SYT14: variants seen among roughly 807,000 people sequenced by gnomAD.
SYT14 encodes the protein synaptotagmin 14.
A neutral mutation model predicts 74.2 loss-of-function variants in SYT14; 32 were observed. The ratio of observed to expected loss-of-function variants is 0.43; its 90% CI spans 0.33 to 0.58. The LOEUF (loss-of-function observed/expected upper bound fraction) is 0.58. Ranked by LOEUF, SYT14 falls within the 20% of genes least tolerant of loss-of-function variation. The pLI is 0.05. For missense variants in SYT14, 791 were observed against 981.8 expected, an observed-to-expected ratio of 0.81 and a Z score of 2.60; for synonymous variants, 298 against 337.7, an observed-to-expected ratio of 0.88 and a Z score of 1.29.
intron 5 of SYT14, among the ~76,000 whole-genome samples, chr1:210,032,678 G>GTGT (rs2080567248): frequency 6.7e-6 from 1 of 149,676 alleles, no homozygotes; most frequent in African/African-American, 2.4e-5. Context: ...CCATCATTGA[G>GTGT]AAGTAGAGTG....
chr1:210,134,083 TA>T (rs1379197920), intron 7 of SYT14, among the ~76,000 whole-genome samples: 10 of 152,028 alleles, frequency 6.6e-5, no homozygotes, highest in African/African-American at 2.4e-4. Flanking sequence ...TTTATTTATT[TA>T]TTTTTGAGAT....
intron 6 of SYT14, among the ~76,000 whole-genome samples, chr1:210,096,533 T>C (rs2081969795): frequency 6.6e-6 from 1 of 152,226 alleles, no homozygotes; most frequent in African/African-American, 2.4e-5. Context: ...GAGTCCTGTT[T>C]TATGCAGTGC....
intron 2 of SYT14, chr1:209,953,270 T>A (rs2078940801): frequency 7.8e-7 from 1 of 1,286,274 alleles, no homozygotes; most frequent in Admixed American, 2.3e-5. Context: ...GTAATTCAGT[T>A]ACTAGGTGGG....
At chr1:210,076,492 C>T (rs1186304726) in intron 5 of SYT14, among the ~76,000 whole-genome samples, 3 of 152,182 alleles carry the variant, frequency 2.0e-5, no homozygotes, top group Admixed American at 6.5e-5. Context: ...TTTATATTTG[C>T]CTGTTCCTCG....
At chr1:210,167,829 T>C (rs2083471673) in exon 10 of SYT14, 2 of 152,316 alleles carry the variant, frequency 1.3e-5, no homozygotes, top group East Asian at 1.9e-4. Flanking sequence ...TTTTTAAAAA[T>C]ACTCCCTTTC....
chr1:210,089,286 G>A (rs1043462462), intron 5 of SYT14, among the ~76,000 whole-genome samples: 3 of 152,160 alleles, frequency 2.0e-5, no homozygotes, highest in Admixed American at 6.5e-5. Context: ...TCATTGATGG[G>A]CATTTGGGTT....
At chr1:210,168,720 C>T (rs941042830) in exon 10 of SYT14, 1 of 152,176 alleles carries the variant, frequency 6.6e-6, no homozygotes, top group Non-Finnish European at 1.5e-5. Context: ...AACCTCGTAA[C>T]GTCACTTCAC....
intron 5 of SYT14, among the ~76,000 whole-genome samples, chr1:210,086,851 G>A (rs1054326386): frequency 1.3e-5 from 2 of 152,174 alleles, no homozygotes; most frequent in African/African-American, 2.4e-5. Flanking sequence ...CAACACCACA[G>A]AATTTGTTTT....
chr1:210,089,055 G>C (rs1056495024), intron 5 of SYT14, among the ~76,000 whole-genome samples: 1 of 151,992 alleles, frequency 6.6e-6, no homozygotes, highest in Non-Finnish European at 1.5e-5. Flanking sequence ...ACATGCCCCA[G>C]CATGTGATGT....
chr1:210,023,856 G>A (rs2080353081), intron 5 of SYT14, among the ~76,000 whole-genome samples: 1 of 152,198 alleles, frequency 6.6e-6, no homozygotes, highest in Non-Finnish European at 1.5e-5. Context: ...TTTGTTTGAA[G>A]AAGGGGATTG....
chr1:209,994,342 A>G (rs1388496911), intron 2 of SYT14, among the ~76,000 whole-genome samples: 1 of 152,196 alleles, frequency 6.6e-6, no homozygotes, highest in Admixed American at 6.5e-5. Context: ...AAAATTTTAT[A>G]ATACAATCAG....
intron 4 of SYT14, among the ~76,000 whole-genome samples, chr1:210,019,687 T>A (rs2102946829): frequency 6.6e-6 from 1 of 152,348 alleles, no homozygotes; most frequent in Middle Eastern, 3.4e-3. Context: ...TCCTGTATTT[T>A]AAAAATTACT....
intron 2 of SYT14, among the ~76,000 whole-genome samples, chr1:209,991,572 C>T (rs2079686688): frequency 6.6e-6 from 1 of 152,038 alleles, no homozygotes; most frequent in Non-Finnish European, 1.5e-5. Context: ...AAATTAAAAC[C>T]ACAAGGAGAT....
chr1:210,075,481 C>T (rs913511832), intron 5 of SYT14, among the ~76,000 whole-genome samples: 31 of 151,868 alleles, frequency 2.0e-4, no homozygotes, highest in African/African-American at 6.8e-4. Flanking sequence ...ATTACAGGTG[C>T]GTGCCACCAC....
intron 7 of SYT14, among the ~76,000 whole-genome samples, chr1:210,130,841 G>T (rs764987419): frequency 7.2e-5 from 11 of 152,146 alleles, no homozygotes; most frequent in Non-Finnish European, 1.3e-4. Flanking sequence ...GAGAATTCAC[G>T]ATGAAGTTGG....
At chr1:210,029,919 T>C (rs570539819) in intron 5 of SYT14, among the ~76,000 whole-genome samples, 44 of 152,330 alleles carry the variant, frequency 2.9e-4, no homozygotes, top group African/African-American at 1.0e-3. Flanking sequence ...TAATTTCTTT[T>C]GGAAATGTTT....
chr1:210,132,965 G>A (rs1244337174), intron 7 of SYT14, among the ~76,000 whole-genome samples: 2 of 152,080 alleles, frequency 1.3e-5, no homozygotes, highest in Admixed American at 6.6e-5. Context: ...TGACTGTCTA[G>A]GAGCTTTTGT....
At chr1:210,066,891 C>A (rs1201176621) in intron 5 of SYT14, among the ~76,000 whole-genome samples, 1 of 151,936 alleles carries the variant, frequency 6.6e-6, no homozygotes, top group East Asian at 1.9e-4. Flanking sequence ...GAAATAATTC[C>A]CAAAACCAGT....
Position 210,088,715 on chromosome 1 carries a change from C to T in SYT14, c.1313-5607C>T, listed in dbSNP as rs150911501. 9.9e-4 allele frequency among the ~76,000 whole-genome samples: 150 copies of T among 151,978 alleles called. 3 individuals are homozygous for T. In the East Asian group the frequency reaches 0.027, roughly 28 times the overall value. On this transcript the variant is annotated intron_variant, in intron 5 of 9. Transcript: ENST00000637265. Reference sequence around the variant, plus strand: ...ATGGATGAAGCTGGAAACCATCATTCTTATTTTTGTTAACTTCTTGAAGTG... The same window carrying T: ...ATGGATGAAGCTGGAAACCATCATTTTTATTTTTGTTAACTTCTTGAAGTG...
Sources: gnomAD v4.1 joint callset for allele counts (sites outside exome capture counted in the v4.1 genomes callset) on GRCh38, gnomAD v4.1.1 for gene constraint, MANE v1.5 for transcripts, NCBI Gene and HGNC (gene_info 2026-07-23, HGNC 2026-07-21) for gene names.